The following RUBCN variants were observed in gnomAD, a reference collection of about 807,000 sequenced individuals.
RUBCN encodes the protein run domain Beclin-1-interacting and cysteine-rich domain-containing protein.
In RUBCN, 74 loss-of-function variants were observed where a neutral mutation model predicts 113.2. That is an observed-to-expected ratio of 0.65 (90% CI 0.54 to 0.79). The LOEUF (loss-of-function observed/expected upper bound fraction) is 0.79. Among genes scored for constraint, RUBCN ranks in the 30% least tolerant of loss-of-function variants. The pLI, the probability that RUBCN is intolerant of heterozygous loss-of-function variation, is 0.00. For synonymous variants in RUBCN, 480 were observed against 490.0 expected (o/e 0.98, Z 0.27); for missense variants, 1,109 against 1,251.7 (o/e 0.89, Z 1.72).
chr3:197,700,297 CAAT>C (rs1406359927), intron 7 of RUBCN, among the ~76,000 whole-genome samples: 2 of 152,138 alleles, frequency 1.3e-5, no homozygotes, highest in Admixed American at 1.3e-4. Context: ...TTTTAAAGCT[CAAT>C]AATACTTTCC....
Position 197,682,962 on chromosome 3 carries a change from C to T in RUBCN, c.1980+345G>A, listed in dbSNP as rs374713377. 2.0e-3 allele frequency among the ~76,000 whole-genome samples: 301 copies of T among 152,300 alleles called. 3 individuals carry two copies. Among genetic ancestry groups the T allele is most frequent in the Non-Finnish European group, 3.0e-3 (203 of 68,032 alleles). On this transcript the variant is annotated intron_variant, in intron 13 of 19. Transcript: ENST00000296343. ...TGCTGTCCCTGCACCCATCCCAGGA[C>T]CCTTGCTGTGCCAGTGTGTTTCATG...
At chr3:197,704,431 T>C (rs1724050482) in intron 4 of RUBCN, 111 bp downstream of exon 4, 11 of 1,028,770 alleles carry the variant, frequency 1.1e-5, no homozygotes, top group Admixed American at 8.5e-5. Context: ...CGTAAGTCCA[T>C]CTCAAAGAAA....
chr3:197,684,631 G>GT (rs976002039), intron 11 of RUBCN, among the ~76,000 whole-genome samples: 18 of 151,664 alleles, frequency 1.2e-4, no homozygotes, highest in African/African-American at 4.1e-4. Context: ...CCCTTAGGCA[G>GT]TAACTCTGTC....
Position 197,671,041 on chromosome 3 carries a change from G to T in RUBCN, c.*3977C>A, listed in dbSNP as rs980116227. 6.6e-6 allele frequency among the ~76,000 whole-genome samples: 1 copy of T among 152,032 alleles called. No homozygotes were observed. The highest frequency in any genetic ancestry group is 2.4e-5 in the African/African-American group (1 of 41,378). ...GTTTTGTTTTGTTTTTTTGAGACAG[G>T]GTCTCGCTCTTCATCCAGGATGGAG... On this transcript the variant is annotated 3_prime_UTR_variant, in exon 20 of 20. Transcript: ENST00000296343.
In RUBCN at chr3:197,696,960, C is replaced by T; in HGVS notation, c.1351G>A (p.Glu451Lys). ...EVSTPSSLYM[E>K]YEGGRYLCSG... ...TGGCCTTCCTAGTACTCACCATATT[C>T]CATGTACAGAGAGCTGGGTGTGCTG... Residue 451 changes from glutamate (E) to lysine (K), a missense_variant, in exon 8 of 20, where the codon GAA becomes AAA. Around this residue, in one of 3 missense-constraint regions of RUBCN, gnomAD observed 736 missense variants for 779.6 expected, o/e 0.94. Transcript: ENST00000296343. The T allele has an allele frequency of 6.3e-7, 1 of 1,578,080 alleles. No individual in the cohort carries two copies. Among genetic ancestry groups the T allele is most frequent in the Non-Finnish European group, 8.7e-7 (1 of 1,147,132 alleles).
intron 9 of RUBCN, among the ~76,000 whole-genome samples, chr3:197,694,985 T>C (rs991681080): frequency 1.6e-4 from 25 of 152,328 alleles, no homozygotes; most frequent in African/African-American, 4.3e-4. Context: ...GAACAAAAGA[T>C]AGAATTTGAT....
rs773732544 is a variant in RUBCN, at chr3:197,682,424, A to G, written c.2126+46T>C. On this transcript the variant is annotated intron_variant, in intron 14 of 19. Transcript: ENST00000296343. ...TGAGACGAAAACCCTGACAATCCAA[A>G]GAGGACGGATCTGTGCTCCAAAGGG... 3 of 1,612,104 alleles carry G rather than the reference A, an allele frequency of 1.9e-6. No homozygotes were observed. In the Admixed American group the frequency reaches 5.0e-5, roughly 27 times the overall value.
chr3:197,736,672 G>A lies in RUBCN; in HGVS notation c.48C>T (p.Arg16=), dbSNP rs1199316056. The part of the protein sequence containing the change: ...AGMELGGGEE[R]LPEESRREHW... Reference sequence around the variant, plus strand: ...CAGCCCACCTGCTCTCCTCAGGCAGGCGCTCCTCGCCGCCTCCGAGCTCCA... The same window carrying A: ...CAGCCCACCTGCTCTCCTCAGGCAGACGCTCCTCGCCGCCTCCGAGCTCCA... The change falls in exon 1 of 20, where the codon CGC becomes CGT. Residue 16 remains arginine, a synonymous_variant. Coordinates refer to ENST00000296343, the MANE Select transcript of RUBCN (RefSeq NM_014687.4). The A allele has an allele frequency of 5.9e-6, 9 of 1,532,300 alleles. No homozygotes were observed. The South Asian group carries it at 8.3e-5, about 14-fold the overall frequency. 94.9% of individuals were successfully genotyped at this position (1,532,300 alleles called of 1,614,324 possible). A position where few individuals can be genotyped will look rare whatever the true frequency, so the allele number is the denominator to read the frequency against.
chr3:197,726,682 A>G (rs1726796747), intron 1 of RUBCN, among the ~76,000 whole-genome samples: 1 of 150,270 alleles, frequency 6.7e-6, no homozygotes. Flanking sequence ...TGGGGATTAC[A>G]GGCACCCACC....
At position 197,683,877 on chromosome 3, in the gene RUBCN, GCT is replaced by G. The variant is rs1441964975; in HGVS notation, c.1847+278_1847+279del. 2.0e-5 allele frequency among the ~76,000 whole-genome samples: 3 copies of G among 152,114 alleles called. No individual in the cohort carries two copies. The highest frequency in any genetic ancestry group is 4.4e-5 in the Non-Finnish European group (3 of 68,022). On this transcript the variant is annotated intron_variant, in intron 12 of 19. Coordinates refer to ENST00000296343, the MANE Select transcript of RUBCN (RefSeq NM_014687.4). This position sits in a 1 kb window ranked among gnomAD's most constrained non-coding sequence, Gnocchi z 4.6. Reference sequence around the variant, plus strand: ...TTCATAACCAAAAACCATCATCACTGCTCTCTTTTGAGACCTTCTGGGGCCTC... The same window carrying G: ...TTCATAACCAAAAACCATCATCACTGCTCTTTTGAGACCTTCTGGGGCCTC...
At chr3:197,727,150 G>C (rs540101425) in intron 1 of RUBCN, among the ~76,000 whole-genome samples, 2 of 152,062 alleles carry the variant, frequency 1.3e-5, no homozygotes, top group Non-Finnish European at 2.9e-5. Flanking sequence ...ATGTTGGCCA[G>C]GCTGGTCTCG....
Position 197,705,089 on chromosome 3 carries a change from T to C in RUBCN, c.303+3A>G. On this transcript the variant is annotated splice_donor_region_variant and intron_variant, in intron 3 of 19. Transcript: ENST00000296343. ...AGCACAGCCGCTCTGCTCTCACTCT[T>C]ACCTTCTCCACGTGAAGGGCTGAGT... 6.2e-7 allele frequency: 1 copy of C among 1,611,612 alleles called. No homozygotes were observed. The highest frequency in any genetic ancestry group is 8.5e-7 in the Non-Finnish European group (1 of 1,177,934).
Position 197,669,625 on chromosome 3 carries a change from A to G in RUBCN, c.*5393T>C, listed in dbSNP as rs1462478744. 6.6e-6 allele frequency among the ~76,000 whole-genome samples: 1 copy of G among 152,164 alleles called. No homozygotes were observed. Among genetic ancestry groups the G allele is most frequent in the Non-Finnish European group, 1.5e-5 (1 of 68,040 alleles). On this transcript the variant is annotated 3_prime_UTR_variant, in exon 20 of 20. Coordinates refer to ENST00000296343, the MANE Select transcript of RUBCN (RefSeq NM_014687.4). ...AGGTCGTGTTAGCTCTCTCTACTCT[A>G]AAGTTGCTATTTTCCTCTTTCTATA...
Position 197,681,743 on chromosome 3 carries a change from C to T in RUBCN, c.2191+92G>A. On this transcript the variant is annotated intron_variant, in intron 15 of 19. Coordinates refer to ENST00000296343, the MANE Select transcript of RUBCN (RefSeq NM_014687.4). The surrounding 1 kb of genome is among the most constrained non-coding windows in gnomAD (Gnocchi z 5.5). ...TTCCCTACTTCTGCCACGCCACCTC[C>T]TGCTACCGCCTTTGACACGCCACCT... The T allele has an allele frequency of 8.6e-7, 1 of 1,158,338 alleles. No individual in the cohort carries two copies. The highest frequency in any genetic ancestry group is 1.3e-6 in the Non-Finnish European group (1 of 765,680). 71.8% of individuals were successfully genotyped at this position (1,158,338 alleles called of 1,614,324 possible).
At chr3:197,737,570 GAGCAGC>G (rs1215083728), upstream of RUBCN, among the ~76,000 whole-genome samples, 1 of 151,928 alleles carries the variant, frequency 6.6e-6, no homozygotes, top group African/African-American at 2.4e-5. Flanking sequence ...GGGAAGGAGT[GAGCAGC>G]AGCATGGTGT....
chr3:197,742,682 C>T (rs1372120412), intron 1 of RUBCN, among the ~76,000 whole-genome samples: 1 of 152,184 alleles, frequency 6.6e-6, no homozygotes. Context: ...TTAGTCTCCC[C>T]CAGCCTGGGC....
chr3:197,696,099 A>T, intron 8 of RUBCN, 118 bp from the exon 9 acceptor site: 1 of 945,368 alleles, frequency 1.1e-6, no homozygotes. Context: ...TTGGAAGAAG[A>T]TGTCCACCTT....
chr3:197,675,560 AG>A lies in RUBCN; in HGVS notation c.2647-46del. 1 of 1,436,740 alleles carries A rather than the reference AG, an allele frequency of 7.0e-7. No individual in the cohort carries two copies. The highest frequency in any genetic ancestry group is 9.8e-7 in the Non-Finnish European group (1 of 1,020,610). 89.0% of individuals were successfully genotyped at this position (1,436,740 alleles called of 1,614,324 possible). A position where few individuals can be genotyped will look rare whatever the true frequency, so the allele number is the denominator to read the frequency against. On this transcript the variant is annotated intron_variant, in intron 18 of 19. Transcript: ENST00000296343. The surrounding 1 kb of genome is among the most constrained non-coding windows in gnomAD (Gnocchi z 4.4). ...ATGGCAAAATGAGGAGCGGCACATC[AG>A]GAACTGGCACGGGAGGGTGAACACC...
intron 16 of RUBCN, among the ~76,000 whole-genome samples, chr3:197,680,178 C>T (rs1344515113): frequency 1.6e-5 from 2 of 121,366 alleles, no homozygotes; most frequent in African/African-American, 6.5e-5. Context: ...TGACAACTGG[C>T]TCCAGACTGT....
Sources: allele counts gnomAD v4.1 joint callset (sites outside exome capture counted in the v4.1 genomes callset), GRCh38; gene constraint gnomAD v4.1.1; regional missense constraint gnomAD v4.1.1; non-coding constraint Gnocchi (gnomAD v3.1); transcripts MANE v1.5; gene names NCBI Gene and HGNC (gene_info 2026-07-23, HGNC 2026-07-21).